Variants in TNK2 observed in about 807,000 individuals in gnomAD.
The protein encoded by TNK2 is tyrosine kinase non receptor 2.
Under a neutral mutation model 101.8 loss-of-function variants are expected in TNK2, and 83 were observed. The observed-to-expected ratio is 0.82, with a 90% CI of 0.68 to 0.98. The LOEUF is 0.98. Ranked by LOEUF, TNK2 falls within the 50% of genes least tolerant of loss-of-function variation. TNK2 has a pLI of 0.00. For missense variants in TNK2, 1,665 were observed against 1,483.2 expected, an observed-to-expected ratio of 1.12 and a Z score of -2.01; for synonymous variants, 804 against 633.0, an observed-to-expected ratio of 1.27 and a Z score of -4.06.
chr3:195,906,341 A>G (rs1761713794), intron 1 of TNK2, among the ~76,000 whole-genome samples: 1 of 152,238 alleles, frequency 6.6e-6, no homozygotes, highest in Non-Finnish European at 1.5e-5. Flanking sequence ...AAGATAAATA[A>G]AAGTGTACAT....
At chr3:195,890,152 G>A (rs933809360) in intron 1 of TNK2, among the ~76,000 whole-genome samples, 8 of 152,266 alleles carry the variant, frequency 5.3e-5, no homozygotes, top group African/African-American at 9.6e-5. Flanking sequence ...GACCGGGCCA[G>A]GCAGCTGGGC....
chr3:195,887,715 C>G (rs1387085600), intron 2 of TNK2, among the ~76,000 whole-genome samples: 1 of 152,174 alleles, frequency 6.6e-6, no homozygotes, highest in Non-Finnish European at 1.5e-5. Context: ...GAACTCAAAT[C>G]AGAGCAAACC....
At chr3:195,869,066 C>A in intron 12 of TNK2, 1 of 463,696 alleles carries the variant, frequency 2.2e-6, no homozygotes, top group East Asian at 3.7e-5. Context: ...CATCCCCGCC[C>A]CTGTCACGGC....
In TNK2 at chr3:195,882,341, A is replaced by G; in HGVS notation, c.610-13T>C. On this transcript the variant is annotated splice_polypyrimidine_tract_variant and intron_variant, in intron 5 of 15. Coordinates refer to ENST00000672887, the MANE Select transcript of TNK2 (RefSeq NM_001382273.1). This position sits in a 1 kb window ranked among gnomAD's most constrained non-coding sequence, Gnocchi z 4.2. ...CCAGCTCTGTCACCTGAGGCCACGGAGGAGGCAGGAGGAATGAGCTGGAGG... is the reference window on the plus strand; with the variant it reads ...CCAGCTCTGTCACCTGAGGCCACGGGGGAGGCAGGAGGAATGAGCTGGAGG... 2 of 1,607,904 alleles carry G rather than the reference A, an allele frequency of 1.2e-6. No individual in the cohort carries two copies. Among genetic ancestry groups the G allele is most frequent in the Non-Finnish European group, 1.7e-6 (2 of 1,175,396 alleles).
rs183171527 is a variant in TNK2 at position 195,901,739 on chromosome 3, T to C, written c.-19+6746A>G. On this transcript the variant is annotated intron_variant, in intron 1 of 15. Coordinates refer to ENST00000672887, the MANE Select transcript of TNK2 (RefSeq NM_001382273.1). ...AAAAACCTGCCTTACTACCCCAGAT[T>C]ATCCCCACTTTACAAATATGGAAAC... 2.3e-3 allele frequency among the ~76,000 whole-genome samples: 350 copies of C among 152,296 alleles called. 5 individuals carry two copies. Among genetic ancestry groups the C allele is most frequent in the African/African-American group, 7.8e-3 (326 of 41,546 alleles).
chr3:195,885,689 G>A lies in TNK2; in HGVS notation c.235-656C>T. ...CCTAGAGCTGAGGGCTGAGACGGAA[G>A]GAAAAGTGGAGGAGACTCGGAGGCC... On this transcript the variant is annotated intron_variant, in intron 3 of 15. Transcript: ENST00000672887. The surrounding 1 kb of genome is among the most constrained non-coding windows in gnomAD (Gnocchi z 4.7). The A allele has an allele frequency of 2.3e-6, 2 of 870,602 alleles. No homozygotes were observed. The highest frequency in any genetic ancestry group is 2.9e-5 in the South Asian group (2 of 67,950). 53.9% of individuals were successfully genotyped at this position (870,602 alleles called of 1,614,324 possible).
At chr3:195,887,421 G>A (rs1263995022) in intron 2 of TNK2, among the ~76,000 whole-genome samples, 1 of 152,196 alleles carries the variant, frequency 6.6e-6, no homozygotes, top group Non-Finnish European at 1.5e-5. Context: ...ATAAATCAAT[G>A]TCTAACTTAG....
At chr3:195,873,264 C>A (rs1205510605) in intron 9 of TNK2, among the ~76,000 whole-genome samples, 1 of 152,172 alleles carries the variant, frequency 6.6e-6, no homozygotes, top group Non-Finnish European at 1.5e-5. Context: ...AAGCCGGGGC[C>A]TGGGCAGGGG....
At position 195,870,163 on chromosome 3, in the gene TNK2, G is replaced by A. The variant is rs773816929; in HGVS notation, c.1494C>T (p.Ser498=). The stretch of plus-strand genomic sequence containing the variant: ...GGGGCCGGGAGGTGCTCAGTTCCAC[G>A]CTCAGGAGGTCGGGGGGGTCCATGG... ...GNPMDPPDLL[S]VELSTSRPPQ... Residue 498 remains serine, a synonymous_variant, in exon 11 of 16, where the codon AGC becomes AGT. Coordinates refer to ENST00000672887, the MANE Select transcript of TNK2 (RefSeq NM_001382273.1). 43 of 1,507,894 alleles carry A rather than the reference G, an allele frequency of 2.9e-5. No homozygotes were observed. The highest frequency in any genetic ancestry group is 1.8e-4 in the Middle Eastern group (1 of 5,708). The allele number at this position is 1,507,894 out of a possible 1,614,324, so 93.4% of individuals were successfully genotyped here. A position where few individuals can be genotyped will look rare whatever the true frequency, so the allele number is the denominator to read the frequency against.
intron 9 of TNK2, 98 bp from the exon 10 acceptor site, chr3:195,872,568 T>C: frequency 7.7e-7 from 1 of 1,295,288 alleles, no homozygotes. Context: ...AGAAGGGGGA[T>C]GGAGCTCAGG....
In TNK2 at chr3:195,883,141, C is replaced by T. The variant is rs151076362; in HGVS notation, c.609+16G>A. ...AGCCCTCTCCCTGCCCGCCCCCTCC[C>T]GCCCGCAGTACTCACCATCTTCATG... On this transcript the variant is annotated intron_variant, in intron 5 of 15. Transcript: ENST00000672887. The T allele has an allele frequency of 5.5e-4, 874 of 1,599,124 alleles. 3 individuals are homozygous for T. Among genetic ancestry groups the T allele is most frequent in the South Asian group, 1.8e-4 (16 of 90,982 alleles).
rs540139244 is a variant in TNK2, at chr3:195,867,034, G to A, written c.3034-18C>T. 105 of 1,612,602 alleles carry A rather than the reference G, an allele frequency of 6.5e-5. No homozygotes were observed. Among genetic ancestry groups the A allele is most frequent in the South Asian group, 2.9e-4 (26 of 91,056 alleles). ...TGCTCCACCTGGGGGTAAGGGTGGC[G>A]CCATGGACACGCGGGCCCAGGGCAC... is the stretch of plus-strand genomic sequence containing the variant. On this transcript the variant is annotated intron_variant, in intron 14 of 15. Coordinates refer to ENST00000672887, the MANE Select transcript of TNK2 (RefSeq NM_001382273.1).
intron 9 of TNK2, among the ~76,000 whole-genome samples, chr3:195,877,996 A>G (rs2149445660): frequency 6.6e-6 from 1 of 152,088 alleles, no homozygotes; most frequent in Middle Eastern, 3.4e-3. Context: ...CTACCCCTCC[A>G]TAAAGGCAGC....
At chr3:195,880,001 G>A (rs780507807) in intron 6 of TNK2, among the ~76,000 whole-genome samples, 3 of 152,118 alleles carry the variant, frequency 2.0e-5, no homozygotes, top group Non-Finnish European at 4.4e-5. Flanking sequence ...TGCTCGCCCT[G>A]GGTGTAAAGC....
At position 195,863,892 on chromosome 3, in the gene TNK2, T is replaced by G. The variant is rs1576964195; in HGVS notation, c.*289A>C. ...GCCCAGGACCAGGGCCAGAGGCAGG[T>G]CATACCCAGAGCCTGCTGGGGCAGC... On this transcript the variant is annotated 3_prime_UTR_variant, in exon 16 of 16. Transcript: ENST00000672887. The G allele has an allele frequency of 2.2e-6, 1 of 445,196 alleles. No homozygotes were observed. The allele number at this position is 445,196 out of a possible 1,614,324, so 27.6% of individuals were successfully genotyped here.
At position 195,869,336 on chromosome 3, in the gene TNK2, G is replaced by GC. The variant is rs1560481005; in HGVS notation, c.1588+160_1588+161insG. ...CCAGGCTCCGGGGGGCGGGCTCGAG[G>GC]GGGGGCAGGCATGCTAGGCCAGGGC... On this transcript the variant is annotated intron_variant, in intron 12 of 15. Coordinates refer to ENST00000672887, the MANE Select transcript of TNK2 (RefSeq NM_001382273.1). 25 of 757,196 alleles carry GC rather than the reference G, an allele frequency of 3.3e-5. No individual in the cohort carries two copies. In the African/African-American group the frequency reaches 4.1e-4, roughly 13 times the overall value. 46.9% of individuals were successfully genotyped at this position (757,196 alleles called of 1,614,324 possible).
At chr3:195,874,373 G>C (rs1161385121) in intron 9 of TNK2, among the ~76,000 whole-genome samples, 1 of 152,228 alleles carries the variant, frequency 6.6e-6, no homozygotes, top group Non-Finnish European at 1.5e-5. Flanking sequence ...CTCCCTTAGT[G>C]CAGGTATGGC....
At chr3:195,907,729 C>T (rs1442726993) in intron 1 of TNK2, among the ~76,000 whole-genome samples, 1 of 152,234 alleles carries the variant, frequency 6.6e-6, no homozygotes, top group Non-Finnish European at 1.5e-5. Flanking sequence ...AGCTCCTGTC[C>T]TGACAGGTGC....
chr3:195,870,717 G>A (rs1744531170), intron 10 of TNK2, among the ~76,000 whole-genome samples: 1 of 152,256 alleles, frequency 6.6e-6, no homozygotes, highest in Non-Finnish European at 1.5e-5. Flanking sequence ...CTTAGTCACT[G>A]GGGCTGATTA....
Sources: allele counts gnomAD v4.1 joint callset (sites outside exome capture counted in the v4.1 genomes callset), GRCh38; gene constraint gnomAD v4.1.1; non-coding constraint Gnocchi (gnomAD v3.1); transcripts MANE v1.5; gene names NCBI Gene and HGNC (gene_info 2026-07-23, HGNC 2026-07-21).